The following IMPG1 variants were observed in gnomAD, a reference collection of about 807,000 sequenced individuals.
The protein encoded by IMPG1 is interphotoreceptor matrix proteoglycan 1.
In IMPG1, 85 loss-of-function variants were observed where a neutral mutation model predicts 92.0. The ratio of observed to expected loss-of-function variants is 0.92; its 90% CI spans 0.78 to 1.11. IMPG1 has a LOEUF of 1.11. Ranked by LOEUF, IMPG1 falls within the 50% of genes least tolerant of loss-of-function variation. IMPG1 has a pLI of 0.00. For synonymous variants in IMPG1, 367 were observed against 334.1 expected, an observed-to-expected ratio of 1.10 and a Z score of -1.08; for missense variants, 1,022 against 956.0, an observed-to-expected ratio of 1.07 and a Z score of -0.91.
At chr6:76,030,085 G>A (rs1221758785) in intron 4 of IMPG1, among the ~76,000 whole-genome samples, 1 of 152,180 alleles carries the variant, frequency 6.6e-6, no homozygotes, top group Non-Finnish European at 1.5e-5. Flanking sequence ...CCAACCCCAA[G>A]CTTCCTGTTT....
intron 1 of IMPG1, among the ~76,000 whole-genome samples, chr6:76,068,701 T>C (rs889791429): frequency 6.6e-6 from 1 of 151,508 alleles, no homozygotes; most frequent in African/African-American, 2.4e-5. Context: ...ATTTTTAGTA[T>C]AGGTGGGGTT....
chr6:76,005,151 T>C (rs902221310), intron 10 of IMPG1, 136 bp downstream of exon 10: 1 of 825,632 alleles, frequency 1.2e-6, no homozygotes, highest in Non-Finnish European at 1.9e-6. Context: ...CTAGAAATGA[T>C]ACCATATGTA....
intron 6 of IMPG1, among the ~76,000 whole-genome samples, chr6:76,020,387 C>G (rs541368140): frequency 2.6e-5 from 4 of 152,188 alleles, no homozygotes; most frequent in Non-Finnish European, 5.9e-5. Flanking sequence ...TTCATGCCAG[C>G]AGTTCAACCA....
intron 12 of IMPG1, among the ~76,000 whole-genome samples, chr6:75,977,963 C>T (rs373468593): frequency 9.2e-5 from 14 of 152,050 alleles, no homozygotes; most frequent in East Asian, 5.8e-4. Context: ...CTTTGTTGCC[C>T]AGACTGAAGT....
chr6:75,945,102 A>G (rs1781903505), intron 14 of IMPG1, among the ~76,000 whole-genome samples: 1 of 152,190 alleles, frequency 6.6e-6, no homozygotes. Flanking sequence ...TATTCACAAG[A>G]AATCAGTGAA....
chr6:75,923,350 T>C (rs1781460369), intron 16 of IMPG1, among the ~76,000 whole-genome samples: 1 of 152,230 alleles, frequency 6.6e-6, no homozygotes. Flanking sequence ...AACCTTAAAA[T>C]ACATTTGATA....
intron 1 of IMPG1, among the ~76,000 whole-genome samples, chr6:76,058,801 C>T (rs1208513245): frequency 6.6e-6 from 1 of 152,184 alleles, no homozygotes; most frequent in Non-Finnish European, 1.5e-5. Context: ...TTTGTGGCAA[C>T]ACTCCGTTTG....
intron 12 of IMPG1, among the ~76,000 whole-genome samples, chr6:75,969,572 T>A (rs1200865529): frequency 6.6e-6 from 1 of 151,964 alleles, no homozygotes; most frequent in Non-Finnish European, 1.5e-5. Context: ...TGAAACCCCA[T>A]CTCTACTAAA....
rs116735162 is a variant in IMPG1, at chr6:75,938,001, G to A, written c.2045-6850C>T. ...GCCTAAATGAAAGACGACTCTAGTT[G>A]CTGGAGATGCTGGCAGAATACTGAG... On this transcript the variant is annotated intron_variant, in intron 14 of 16. Coordinates refer to ENST00000369950, the MANE Select transcript of IMPG1 (RefSeq NM_001563.4). 2.8e-3 allele frequency among the ~76,000 whole-genome samples: 427 copies of A among 152,360 alleles called. 2 individuals carry two copies. The highest frequency in any genetic ancestry group is 9.9e-3 in the African/African-American group (413 of 41,586).
At position 75,921,372 on chromosome 6, in the gene IMPG1, G is replaced by A. The variant is rs555057945; in HGVS notation, c.*717C>T. The A allele has an allele frequency of 1.3e-5, 2 of 152,270 alleles. No individual in the cohort carries two copies. Among genetic ancestry groups the A allele is most frequent in the African/African-American group, 4.8e-5 (2 of 41,556 alleles). The allele number at this position is 152,270 out of a possible 1,614,324, so 9.4% of individuals were successfully genotyped here. A position where few individuals can be genotyped will look rare whatever the true frequency, so the allele number is the denominator to read the frequency against. ...TGATTATGTCATATAGTACAACTTCGCCCTTCTCCCAACATAGCATCTTCT... is the reference window on the plus strand; with the variant it reads ...TGATTATGTCATATAGTACAACTTCACCCTTCTCCCAACATAGCATCTTCT... On this transcript the variant is annotated 3_prime_UTR_variant, in exon 17 of 17. Transcript: ENST00000369950.
chr6:75,955,120 T>C (rs2149459273), intron 12 of IMPG1, among the ~76,000 whole-genome samples: 1 of 152,322 alleles, frequency 6.6e-6, no homozygotes, highest in African/African-American at 2.4e-5. Context: ...CCATATGAAA[T>C]TTAAAGTGTT....
intron 12 of IMPG1, among the ~76,000 whole-genome samples, chr6:75,991,322 C>T (rs775297834): frequency 6.6e-6 from 1 of 151,412 alleles, no homozygotes; most frequent in East Asian, 1.9e-4. Flanking sequence ...ACCCGGGAGG[C>T]GGAGGTTGCA....
chr6:76,060,196 A>G (rs1365375275), intron 1 of IMPG1, among the ~76,000 whole-genome samples: 2 of 152,174 alleles, frequency 1.3e-5, no homozygotes, highest in Non-Finnish European at 2.9e-5. Flanking sequence ...TGACTTTACA[A>G]AGGCACACAG....
At chr6:75,942,795 A>G (rs1338035384) in intron 14 of IMPG1, among the ~76,000 whole-genome samples, 1 of 152,240 alleles carries the variant, frequency 6.6e-6, no homozygotes, top group Non-Finnish European at 1.5e-5. Context: ...AAAATGATTG[A>G]AAATCATCTG....
At chr6:76,053,530 A>G (rs1242050765) in intron 1 of IMPG1, among the ~76,000 whole-genome samples, 2 of 152,218 alleles carry the variant, frequency 1.3e-5, no homozygotes, top group African/African-American at 4.8e-5. Context: ...GGGGAAAGGA[A>G]TGTGGATTTA....
intron 12 of IMPG1, among the ~76,000 whole-genome samples, chr6:75,991,533 G>A (rs993896878): frequency 6.6e-6 from 1 of 152,162 alleles, no homozygotes; most frequent in African/African-American, 2.4e-5. Context: ...TCGATCACTT[G>A]AGAAGTGATT....
chr6:76,015,022 G>A (rs747001518), intron 7 of IMPG1, among the ~76,000 whole-genome samples: 3 of 152,194 alleles, frequency 2.0e-5, no homozygotes, highest in Non-Finnish European at 4.4e-5. Flanking sequence ...TAAGTGCCCA[G>A]TTAACCTTAT....
In IMPG1 at chr6:76,025,203, T is replaced by C; in HGVS notation, c.553A>G (p.Ile185Val). The C allele has an allele frequency of 6.3e-7, 1 of 1,594,752 alleles. No individual in the cohort carries two copies. The highest frequency in any genetic ancestry group is 8.6e-7 in the Non-Finnish European group (1 of 1,163,548). The change falls in exon 5 of 17, where the codon ATT (isoleucine) becomes GTT (valine). Residue 185 changes from isoleucine (I) to valine (V), a missense_variant. Transcript: ENST00000369950. The stretch of plus-strand genomic sequence containing the variant: ...TTAGATCTAAGCTTACCTGTTGAAA[T>C]GACAATGGTTTCACCAGGCTCTCCC... ...TLGEPGETIV[I>V]STDVANVSLG...
chr6:76,005,181 C>T (rs1219977668), intron 10 of IMPG1, 106 bp downstream of exon 10: 8 of 1,113,886 alleles, frequency 7.2e-6, no homozygotes, highest in South Asian at 5.9e-5. Context: ...CAGTAATGAT[C>T]GACTTTAGAA....
Sources: allele counts gnomAD v4.1 joint callset (sites outside exome capture counted in the v4.1 genomes callset), GRCh38; gene constraint gnomAD v4.1.1; transcripts MANE v1.5; gene names NCBI Gene and HGNC (gene_info 2026-07-23, HGNC 2026-07-21).